Variants in ANKHD1 observed in about 807,000 individuals in gnomAD.
ANKHD1 encodes ankyrin repeat and KH domain-containing protein 1.
In ANKHD1, 31 loss-of-function variants were observed where a neutral mutation model predicts 230.5. The ratio of observed to expected loss-of-function variants is 0.13; its 90% CI spans 0.10 to 0.18. The LOEUF is 0.18. Ranked by LOEUF, ANKHD1 falls within the 10% of genes least tolerant of loss-of-function variation. The pLI, the probability that ANKHD1 is intolerant of heterozygous loss-of-function variation, is 1.00. For synonymous variants in ANKHD1, 1,074 were observed against 1,117.6 expected, an observed-to-expected ratio of 0.96 and a Z score of 0.78; for missense variants, 2,256 against 3,071.3, an observed-to-expected ratio of 0.73 and a Z score of 6.27.
chr5:140,504,303 C>T (rs1259037598), intron 15 of ANKHD1, among the ~76,000 whole-genome samples: 2 of 152,246 alleles, frequency 1.3e-5, no homozygotes, highest in Admixed American at 6.5e-5. Context: ...TCACCCGCCT[C>T]GGCCTCCCAA....
chr5:140,406,181 T>A (rs1770421911), intron 1 of ANKHD1, among the ~76,000 whole-genome samples: 1 of 150,010 alleles, frequency 6.7e-6, no homozygotes, highest in South Asian at 2.1e-4. Flanking sequence ...GAGGTTGCAG[T>A]GAGCCGAGAT....
intron 14 of ANKHD1, among the ~76,000 whole-genome samples, chr5:140,489,542 T>C (rs1006280329): frequency 6.6e-6 from 1 of 152,076 alleles, no homozygotes; most frequent in African/African-American, 2.4e-5. Context: ...ATAAGCTAGA[T>C]AGAGTGTATG....
chr5:140,508,026 T>G, intron 20 of ANKHD1, 28 bp downstream of exon 20: 1 of 1,594,456 alleles, frequency 6.3e-7, no homozygotes, highest in Non-Finnish European at 8.6e-7. Flanking sequence ...GTCAACTATT[T>G]CAGATACATT....
intron 10 of ANKHD1, among the ~76,000 whole-genome samples, chr5:140,479,682 TATAC>T (rs1370400405): frequency 6.8e-6 from 1 of 146,382 alleles, no homozygotes; most frequent in Non-Finnish European, 1.5e-5. Flanking sequence ...ATTCCCATTA[TATAC>T]ATACATATGT....
intron 7 of ANKHD1, among the ~76,000 whole-genome samples, chr5:140,455,761 C>T (rs1455989683): frequency 6.6e-6 from 1 of 152,134 alleles, no homozygotes; most frequent in African/African-American, 2.4e-5. Context: ...CAATATCATA[C>T]TGAATGGGCA....
At chr5:140,487,366 TC>T (rs1361985606) in intron 14 of ANKHD1, among the ~76,000 whole-genome samples, 3 of 152,230 alleles carry the variant, frequency 2.0e-5, no homozygotes, top group Admixed American at 2.0e-4. Flanking sequence ...CATTCATTTT[TC>T]ATTTGATAAT....
intron 1 of ANKHD1, among the ~76,000 whole-genome samples, chr5:140,408,293 C>T (rs530138132): frequency 6.6e-6 from 1 of 152,266 alleles, no homozygotes; most frequent in South Asian, 2.1e-4. Flanking sequence ...CCCATTAATT[C>T]TTCAAATTCT....
chr5:140,449,061 C>A, intron 6 of ANKHD1, 150 bp from the exon 7 acceptor site: 1 of 802,764 alleles, frequency 1.2e-6, no homozygotes, highest in Non-Finnish European at 1.9e-6. Flanking sequence ...TTTGAATGGG[C>A]TTTGTAAAAC....
chr5:140,465,396 T>A (rs1776014534), intron 10 of ANKHD1, among the ~76,000 whole-genome samples: 1 of 152,222 alleles, frequency 6.6e-6, no homozygotes. Flanking sequence ...CAGGTTCATA[T>A]GTGTAATAAT....
At position 140,528,592 on chromosome 5, in the gene ANKHD1, A is replaced by C. The variant is rs544864424; in HGVS notation, c.5646A>C (p.Ser1882=). The C allele has an allele frequency of 6.2e-7, 1 of 1,614,088 alleles. No homozygotes were observed. The highest frequency in any genetic ancestry group is 1.7e-5 in the Admixed American group (1 of 60,004). ...TGGCCCAGTTTGGAGGAACCTTCTC[A>C]CCTTCTCCTAACACATGGGGACCAT... ...LPMAQFGGTF[S]PSPNTWGPFP... The change falls in exon 29 of 34, where the codon TCA becomes TCC. Residue 1882 remains serine, a synonymous_variant. Coordinates refer to ENST00000360839, the MANE Select transcript of ANKHD1 (RefSeq NM_017747.3).
At position 140,529,317 on chromosome 5, in the gene ANKHD1, C is replaced by G; in HGVS notation, c.6371C>G (p.Pro2124Arg). Residue 2124 changes from proline (P) to arginine (R), a missense_variant, in exon 29 of 34, where the codon CCT becomes CGT. Physicochemically the swap from Pro to Arg is moderately radical, Grantham distance 103. Transcript: ENST00000360839. ...GATAATCAGGACACCAGTAATTTAC[C>G]TCAGTTAGCTGTACCAGCACCTCGA... ...AADNQDTSNL[P>R]QLAVPAPRVS... 1 of 1,614,194 alleles carries G rather than the reference C, an allele frequency of 6.2e-7. No individual in the cohort carries two copies. Among genetic ancestry groups the G allele is most frequent in the Non-Finnish European group, 8.5e-7 (1 of 1,180,036 alleles).
intron 1 of ANKHD1, among the ~76,000 whole-genome samples, chr5:140,423,389 T>G (rs1195677284): frequency 6.6e-6 from 1 of 152,304 alleles, no homozygotes; most frequent in South Asian, 2.1e-4. Flanking sequence ...ACTCTAAAGA[T>G]TGATATTTGA....
chr5:140,407,828 G>C (rs1488710952), intron 1 of ANKHD1, among the ~76,000 whole-genome samples: 1 of 152,206 alleles, frequency 6.6e-6, no homozygotes, highest in East Asian at 1.9e-4. Flanking sequence ...ATGAATGTGT[G>C]TGTATATGTG....
chr5:140,504,033 C>T (rs1407891309), intron 15 of ANKHD1, among the ~76,000 whole-genome samples: 2 of 152,110 alleles, frequency 1.3e-5, no homozygotes, highest in Non-Finnish European at 2.9e-5. Context: ...GTGAGAAATA[C>T]TTGAACTTGT....
At chr5:140,502,129 A>C (rs1752335218) in intron 15 of ANKHD1, among the ~76,000 whole-genome samples, 1 of 152,100 alleles carries the variant, frequency 6.6e-6, no homozygotes, top group African/African-American at 2.4e-5. Flanking sequence ...ACTTTCAGAG[A>C]TATTTCATTC....
chr5:140,457,146 A>G (rs1416588443), intron 7 of ANKHD1, among the ~76,000 whole-genome samples: 3 of 152,224 alleles, frequency 2.0e-5, no homozygotes, highest in Non-Finnish European at 1.5e-5. Context: ...AATCAAAACC[A>G]CAATGAGATA....
Position 140,491,156 on chromosome 5 carries a change from ATATATTTTTTTT to A in ANKHD1, c.2245+4098_2245+4109del, listed in dbSNP as rs1464445907. On this transcript the variant is annotated intron_variant, in intron 14 of 33. Transcript: ENST00000360839. ...TATATACACATATATATATATATATATATATTTTTTTTTTTTTTTTTTTTTGAGACAGGGTCT... is the reference window on the plus strand; with the variant it reads ...TATATACACATATATATATATATATATTTTTTTTTTTTTGAGACAGGGTCT... Among the ~76,000 whole-genome samples, 508 of 94,888 alleles carry A rather than the reference ATATATTTTTTTT, an allele frequency of 5.4e-3. 6 individuals carry two copies. Among genetic ancestry groups the A allele is most frequent in the African/African-American group, 0.021 (467 of 22,532 alleles). The allele number at this position is 94,888 out of a possible 152,430, so 62.3% of individuals were successfully genotyped here. A position where few individuals can be genotyped will look rare whatever the true frequency, so the allele number is the denominator to read the frequency against.
At chr5:140,492,402 A>G (rs948302329) in intron 14 of ANKHD1, among the ~76,000 whole-genome samples, 2 of 152,186 alleles carry the variant, frequency 1.3e-5, no homozygotes, top group African/African-American at 4.8e-5. Flanking sequence ...TAGTTTGGGA[A>G]ATTTTGAGAG....
At chr5:140,448,671 T>C (rs1774470709) in intron 6 of ANKHD1, among the ~76,000 whole-genome samples, 1 of 152,242 alleles carries the variant, frequency 6.6e-6, no homozygotes, top group Admixed American at 6.5e-5. Flanking sequence ...AATATTCACT[T>C]GCATTTCTTT....
Sources: allele counts gnomAD v4.1 joint callset (sites outside exome capture counted in the v4.1 genomes callset), GRCh38; gene constraint gnomAD v4.1.1; transcripts MANE v1.5; gene names NCBI Gene and HGNC (gene_info 2026-07-23, HGNC 2026-07-21).